SSBP2: variants seen among roughly 807,000 people sequenced by gnomAD.
SSBP2 encodes the protein single stranded DNA binding protein 2.
In SSBP2, 17 loss-of-function variants were observed where a neutral mutation model predicts 61.8. That is an observed-to-expected ratio of 0.28 (90% confidence interval 0.19 to 0.41). The LOEUF (loss-of-function observed/expected upper bound fraction) is 0.41, where lower values mean the gene tolerates loss of function less well. Among genes scored for constraint, SSBP2 ranks in the 10% least tolerant of loss-of-function variants. SSBP2 has a pLI of 1.00. For missense variants in SSBP2, 310 were observed against 458.7 expected (o/e 0.68, Z 2.96); for synonymous variants, 139 against 141.3 (o/e 0.98, Z 0.12).
In SSBP2 at chr5:81,698,356, T is replaced by A. The variant is rs181859953; in HGVS notation, c.63-48017A>T. 6.3e-3 allele frequency among the ~76,000 whole-genome samples: 962 copies of A among 152,334 alleles called. 3 individuals carry two copies. The highest frequency in any genetic ancestry group is 0.01 in the Non-Finnish European group (697 of 68,038). The stretch of plus-strand genomic sequence containing the variant: ...ATGTTCTACCTATTTTCATATTTTT[T>A]AATTTATACCAGTTGCAAAAAATGG... On this transcript the variant is annotated intron_variant, in intron 1 of 16. Transcript: ENST00000320672.
chr5:81,586,625 G>C (rs1293767358), intron 4 of SSBP2, among the ~76,000 whole-genome samples: 1 of 70,470 alleles, frequency 1.4e-5, no homozygotes, highest in Non-Finnish European at 2.7e-5. Flanking sequence ...ACTGCAGTAT[G>C]CAAAAAAAAA....
At chr5:81,702,847 C>T (rs1251587708) in intron 1 of SSBP2, among the ~76,000 whole-genome samples, 2 of 152,178 alleles carry the variant, frequency 1.3e-5, no homozygotes, top group African/African-American at 4.8e-5. Context: ...CTGTGACCTA[C>T]ACTAAGTTGC....
At chr5:81,499,071 T>C (rs1767504096) in intron 5 of SSBP2, among the ~76,000 whole-genome samples, 1 of 152,170 alleles carries the variant, frequency 6.6e-6, no homozygotes, top group Admixed American at 6.5e-5. Context: ...GGATAAGACA[T>C]TCCTGATTAA....
At chr5:81,750,195 C>T (rs1010735164) in intron 1 of SSBP2, among the ~76,000 whole-genome samples, 1 of 151,702 alleles carries the variant, frequency 6.6e-6, no homozygotes, top group Non-Finnish European at 1.5e-5. Context: ...GAACTCGGTC[C>T]CTCTCCGACT....
At chr5:81,440,388 T>G (rs1183954825) in intron 14 of SSBP2, 170 bp downstream of exon 14, 1 of 544,518 alleles carries the variant, frequency 1.8e-6, no homozygotes, top group South Asian at 2.2e-5. Context: ...TCAAGTGATC[T>G]ACAGTTATAA....
At chr5:81,750,909 A>T in intron 1 of SSBP2, 72 bp downstream of exon 1, 2 of 1,417,896 alleles carry the variant, frequency 1.4e-6, no homozygotes, top group Non-Finnish European at 1.9e-6. Flanking sequence ...TGTGTCTCCC[A>T]GAGTGTGCGA....
chr5:81,531,169 T>C (rs1262646795), intron 4 of SSBP2, among the ~76,000 whole-genome samples: 1 of 142,374 alleles, frequency 7.0e-6, no homozygotes, highest in East Asian at 2.0e-4. Context: ...GCCCAGGAGG[T>C]CAAGACTGCA....
intron 1 of SSBP2, among the ~76,000 whole-genome samples, chr5:81,671,801 A>C (rs1751597100): frequency 6.6e-6 from 1 of 152,156 alleles, no homozygotes; most frequent in Admixed American, 6.6e-5. Flanking sequence ...GTGTACAGGC[A>C]ATAAAAACAT....
chr5:81,582,831 T>G (rs957309574), intron 4 of SSBP2, among the ~76,000 whole-genome samples: 1 of 152,164 alleles, frequency 6.6e-6, no homozygotes, highest in Non-Finnish European at 1.5e-5. Flanking sequence ...TGACCTCAGG[T>G]GACCCACCCA....
intron 4 of SSBP2, among the ~76,000 whole-genome samples, chr5:81,542,976 T>C (rs1771419872): frequency 6.6e-6 from 1 of 152,078 alleles, no homozygotes; most frequent in South Asian, 2.1e-4. Flanking sequence ...TGCTTCAGCC[T>C]CCCGAGTAGC....
At position 81,513,622 on chromosome 5, in the gene SSBP2, G is replaced by A. The variant is rs1768787131; in HGVS notation, c.372+6C>T. ...TAACATTCCTAGTCAGAGTTTCTCT[G>A]AGTACCTGAAAGAACCCTGGTGGTA... On this transcript the variant is annotated splice_donor_region_variant and intron_variant, in intron 5 of 16. Transcript: ENST00000320672. 1 of 1,581,600 alleles carries A rather than the reference G, an allele frequency of 6.3e-7. No individual in the cohort carries two copies. Among genetic ancestry groups the A allele is most frequent in the South Asian group, 1.1e-5 (1 of 90,028 alleles).
chr5:81,422,620 G>A (rs1472228842), intron 16 of SSBP2, among the ~76,000 whole-genome samples: 1 of 152,146 alleles, frequency 6.6e-6, no homozygotes, highest in African/African-American at 2.4e-5. Flanking sequence ...TAGGATTATA[G>A]TGAGTATATG....
At chr5:81,423,838 T>C (rs1300728043) in intron 16 of SSBP2, among the ~76,000 whole-genome samples, 1 of 152,218 alleles carries the variant, frequency 6.6e-6, no homozygotes, top group Non-Finnish European at 1.5e-5. Flanking sequence ...TACTATACGT[T>C]GTTAAGAGTA....
chr5:81,560,685 C>G (rs2153412557), intron 4 of SSBP2, among the ~76,000 whole-genome samples: 1 of 152,232 alleles, frequency 6.6e-6, no homozygotes, highest in Admixed American at 6.5e-5. Flanking sequence ...AATTTTGAAA[C>G]TATGTTTCAT....
At chr5:81,669,113 A>AT (rs1309882147) in intron 1 of SSBP2, among the ~76,000 whole-genome samples, 4 of 152,232 alleles carry the variant, frequency 2.6e-5, no homozygotes, top group African/African-American at 9.6e-5. Flanking sequence ...TATTTTGCAT[A>AT]TATGTAAAAA....
At chr5:81,502,067 TC>T (rs753270489) in intron 5 of SSBP2, among the ~76,000 whole-genome samples, 7 of 152,104 alleles carry the variant, frequency 4.6e-5, no homozygotes, top group Non-Finnish European at 8.8e-5. Flanking sequence ...TTTTTCACTT[TC>T]CTTTAAATCA....
intron 4 of SSBP2, among the ~76,000 whole-genome samples, chr5:81,534,975 A>G (rs558057023): frequency 1.3e-4 from 20 of 152,124 alleles, no homozygotes; most frequent in African/African-American, 4.8e-4. Context: ...GCACACACAC[A>G]CACACCCCTT....
intron 4 of SSBP2, among the ~76,000 whole-genome samples, chr5:81,609,915 G>A (rs1298064534): frequency 2.6e-5 from 4 of 152,122 alleles, no homozygotes; most frequent in Admixed American, 2.6e-4. Flanking sequence ...CACTGGGAGA[G>A]AAACCACCCG....
chr5:81,431,161 G>A (rs998902664), intron 15 of SSBP2, among the ~76,000 whole-genome samples: 13 of 152,044 alleles, frequency 8.6e-5, no homozygotes, highest in African/African-American at 2.9e-4. Flanking sequence ...ATGTCCAGTA[G>A]GTTTCATCAA....
Sources: gnomAD v4.1 joint callset for allele counts (sites outside exome capture counted in the v4.1 genomes callset) on GRCh38, gnomAD v4.1.1 for gene constraint, MANE v1.5 for transcripts, NCBI Gene and HGNC (gene_info 2026-07-23, HGNC 2026-07-21) for gene names.